Variants in LZTS1 observed in about 807,000 individuals in gnomAD.
LZTS1 encodes the protein leucine zipper tumor suppressor 1.
In LZTS1, 31 loss-of-function variants were observed where a neutral mutation model predicts 45.8. The ratio of observed to expected loss-of-function variants is 0.68; its 90% CI spans 0.51 to 0.91. The LOEUF is 0.91. Ranked by LOEUF, LZTS1 falls within the 40% of genes least tolerant of loss-of-function variation. LZTS1 has a pLI of 0.00. For synonymous variants in LZTS1, 359 were observed against 357.3 expected, an observed-to-expected ratio of 1.00 and a Z score of -0.05; for missense variants, 821 against 788.9, an observed-to-expected ratio of 1.04 and a Z score of -0.49.
chr8:20,278,234 G>A (rs964132461), intron 1 of LZTS1, among the ~76,000 whole-genome samples: 4 of 152,128 alleles, frequency 2.6e-5, no homozygotes, highest in Admixed American at 2.0e-4. Flanking sequence ...TCAAGCATGC[G>A]CACTAAGAGG....
Position 20,249,494 on chromosome 8 carries a change from A to G in LZTS1, c.*228T>C. The G allele has an allele frequency of 1.7e-6, 1 of 582,694 alleles. No individual in the cohort carries two copies. The highest frequency in any genetic ancestry group is 3.0e-6 in the Non-Finnish European group (1 of 331,872). The allele number at this position is 582,694 out of a possible 1,614,324, so 36.1% of individuals were successfully genotyped here. Reference sequence around the variant, plus strand: ...CAGACCCCTGGACCCATCTCCTGGGAAAGCCAGAGGAGTCAGGGCCTGACG... The same window carrying G: ...CAGACCCCTGGACCCATCTCCTGGGGAAGCCAGAGGAGTCAGGGCCTGACG... On this transcript the variant is annotated 3_prime_UTR_variant, in exon 4 of 4. Coordinates refer to ENST00000381569, the MANE Select transcript of LZTS1 (RefSeq NM_021020.5).
At chr8:20,267,517 T>A (rs908633245) in intron 1 of LZTS1, among the ~76,000 whole-genome samples, 1 of 152,118 alleles carries the variant, frequency 6.6e-6, no homozygotes, top group Non-Finnish European at 1.5e-5. Context: ...CACTTGTTTT[T>A]TTGCTTGTTT....
chr8:20,266,402 T>C (rs1411333594), intron 1 of LZTS1, among the ~76,000 whole-genome samples: 2 of 152,186 alleles, frequency 1.3e-5, no homozygotes, highest in Non-Finnish European at 2.9e-5. Flanking sequence ...GAAGGGAAGC[T>C]GAGGCTCTGG....
intron 1 of LZTS1, among the ~76,000 whole-genome samples, chr8:20,285,444 C>T (rs1380227516): frequency 6.6e-6 from 1 of 152,114 alleles, no homozygotes; most frequent in African/African-American, 2.4e-5. Context: ...CATATACTAG[C>T]AACAAATAAA....
chr8:20,286,933 G>T (rs1424032651), intron 1 of LZTS1, among the ~76,000 whole-genome samples: 1 of 152,152 alleles, frequency 6.6e-6, no homozygotes, highest in Non-Finnish European at 1.5e-5. Context: ...GAGCAGCAGG[G>T]ATTAGCAGAG....
At position 20,249,990 on chromosome 8, in the gene LZTS1, C is replaced by CG; in HGVS notation, c.1522dup (p.Arg508ProfsTer12). Reference sequence around the variant, plus strand: ...TTGCCGCTCCTCCCGCAGCTCGGCCCGCAGCCGCTCCAGCTCCCGCTGCAG... The same window carrying CG: ...TTGCCGCTCCTCCCGCAGCTCGGCCCGGCAGCCGCTCCAGCTCCCGCTGCAG... On this transcript the variant is annotated frameshift_variant, in exon 4 of 4. Transcript: ENST00000381569. LOFTEE classifies it high-confidence loss of function. 6.2e-7 allele frequency: 1 copy of CG among 1,613,552 alleles called. No homozygotes were observed. Among genetic ancestry groups the CG allele is most frequent in the Non-Finnish European group, 8.5e-7 (1 of 1,179,820 alleles).
At chr8:20,279,057 C>T (rs1800637258) in intron 1 of LZTS1, among the ~76,000 whole-genome samples, 1 of 152,212 alleles carries the variant, frequency 6.6e-6, no homozygotes, top group Non-Finnish European at 1.5e-5. Flanking sequence ...AACCTAGAAT[C>T]TCTTTCACAA....
At chr8:20,295,508 A>G (rs554034205) in intron 1 of LZTS1, among the ~76,000 whole-genome samples, 19 of 152,288 alleles carry the variant, frequency 1.2e-4, no homozygotes, top group Admixed American at 1.1e-3. Context: ...CCTTAGCGCC[A>G]TCCATCTCTG....
intron 1 of LZTS1, among the ~76,000 whole-genome samples, chr8:20,265,736 T>G (rs1290256854): frequency 1.5e-5 from 2 of 135,726 alleles, no homozygotes; most frequent in Admixed American, 1.5e-4. Context: ...AATCTCACCA[T>G]GAAACCTCAG....
At chr8:20,253,713 T>G (rs1256413471) in intron 2 of LZTS1, 128 bp from the exon 3 acceptor site, 20 of 640,450 alleles carry the variant, frequency 3.1e-5, no homozygotes, top group Non-Finnish European at 4.3e-5. Context: ...CCCCTCTTGG[T>G]CAATTGTCTC....
chr8:20,250,743 C>A (rs1799873343), intron 3 of LZTS1, among the ~76,000 whole-genome samples: 1 of 151,984 alleles, frequency 6.6e-6, no homozygotes, highest in African/African-American at 2.4e-5. Context: ...GGATTACAGA[C>A]ACCTGCCACC....
At chr8:20,292,890 T>C (rs1800922799) in intron 1 of LZTS1, among the ~76,000 whole-genome samples, 1 of 152,204 alleles carries the variant, frequency 6.6e-6, no homozygotes, top group Admixed American at 6.5e-5. Flanking sequence ...TCTCTGGGCC[T>C]CTATGTCTTC....
In LZTS1 at chr8:20,246,248, G is replaced by A. The variant is rs1157212511; in HGVS notation, c.*3474C>T. The A allele has an allele frequency of 3.9e-5, 6 of 152,572 alleles. No homozygotes were observed. Among genetic ancestry groups the A allele is most frequent in the Admixed American group, 6.5e-5 (1 of 15,278 alleles). The allele number at this position is 152,572 out of a possible 1,614,324, so 9.5% of individuals were successfully genotyped here. On this transcript the variant is annotated 3_prime_UTR_variant, in exon 4 of 4. Coordinates refer to ENST00000381569, the MANE Select transcript of LZTS1 (RefSeq NM_021020.5). ...ATAGTTTACATGGCCAAAAAGTGAC[G>A]TCAAAAATAAAATGAAGCTGTCAAA...
At chr8:20,298,047 C>T (rs1353836558) in intron 1 of LZTS1, among the ~76,000 whole-genome samples, 3 of 152,028 alleles carry the variant, frequency 2.0e-5, no homozygotes, top group South Asian at 2.1e-4. Context: ...AACTCTTTCA[C>T]CTTTCTTTTT....
At chr8:20,266,551 A>G (rs554656577) in intron 1 of LZTS1, among the ~76,000 whole-genome samples, 2 of 151,948 alleles carry the variant, frequency 1.3e-5, no homozygotes, top group South Asian at 4.2e-4. Context: ...GGGGAAGTGC[A>G]TCCACCCCCT....
At chr8:20,280,267 A>C (rs1389332339) in intron 1 of LZTS1, among the ~76,000 whole-genome samples, 1 of 152,112 alleles carries the variant, frequency 6.6e-6, no homozygotes, top group Non-Finnish European at 1.5e-5. Context: ...TCATCTGCCC[A>C]GTAATAGTGC....
intron 1 of LZTS1, among the ~76,000 whole-genome samples, chr8:20,280,738 C>T (rs918940408): frequency 3.3e-5 from 5 of 152,094 alleles, no homozygotes; most frequent in African/African-American, 9.7e-5. Flanking sequence ...GCACTGTCAG[C>T]GACATCACTC....
chr8:20,296,815 C>T (rs114016587), intron 1 of LZTS1, among the ~76,000 whole-genome samples: 254 of 152,300 alleles, frequency 1.7e-3, no homozygotes, highest in African/African-American at 5.5e-3. Flanking sequence ...CATCTATTGG[C>T]GATCTCCATG....
At chr8:20,274,832 G>A (rs79839909) in intron 1 of LZTS1, among the ~76,000 whole-genome samples, 103 of 152,314 alleles carry the variant, frequency 6.8e-4, no homozygotes, top group African/African-American at 2.4e-3. Context: ...CACCTAAACT[G>A]GAAGTTAGGA....
Sources: gnomAD v4.1 joint callset for allele counts (sites outside exome capture counted in the v4.1 genomes callset) on GRCh38, gnomAD v4.1.1 for gene constraint, MANE v1.5 for transcripts, NCBI Gene and HGNC (gene_info 2026-07-23, HGNC 2026-07-21) for gene names.